Variants in NR2C2 observed in about 807,000 individuals in gnomAD.
NR2C2 encodes the protein nuclear receptor subfamily 2 group C member 2.
NR2C2 carries 6 observed loss-of-function variants against 62.9 expected under a neutral mutation model. That is an observed-to-expected ratio of 0.10 (90% CI 0.05 to 0.19). The LOEUF (loss-of-function observed/expected upper bound fraction) is 0.19. NR2C2 is among the 10% of genes least tolerant of loss of function. NR2C2 has a pLI of 1.00. For missense variants in NR2C2, 479 were observed against 762.7 expected (o/e 0.63, Z 4.38); for synonymous variants, 272 against 273.8 (o/e 0.99, Z 0.07).
intron 1 of NR2C2, among the ~76,000 whole-genome samples, chr3:14,991,749 C>CTT (rs869094168): frequency 1.5e-5 from 2 of 132,228 alleles, no homozygotes; most frequent in African/African-American, 5.6e-5. Flanking sequence ...TCCCTTTTTT[C>CTT]TTTTTTTTTT....
intron 7 of NR2C2, among the ~76,000 whole-genome samples, chr3:15,028,036 T>C (rs752853434): frequency 6.6e-6 from 1 of 152,158 alleles, no homozygotes; most frequent in Non-Finnish European, 1.5e-5. Context: ...TTTTTTGCAT[T>C]TTTAGTAGAG....
rs2042558982 is a variant in NR2C2 at position 15,049,132 on chromosome 3, T to G, written c.*6124T>G. 2 of 152,614 alleles carry G rather than the reference T, an allele frequency of 1.3e-5. No homozygotes were observed. Among genetic ancestry groups the G allele is most frequent in the South Asian group, 4.1e-4 (2 of 4,830 alleles). 9.5% of individuals were successfully genotyped at this position (152,614 alleles called of 1,614,324 possible). ...CAGTCTTGAAGAAGAATTTGCATTG[T>G]TGTGTTTGTATATAGAGTATTGCAG... On this transcript the variant is annotated 3_prime_UTR_variant, in exon 14 of 14. Transcript: ENST00000425241.
At chr3:15,007,666 T>G (rs1354226423) in intron 2 of NR2C2, among the ~76,000 whole-genome samples, 22 of 152,110 alleles carry the variant, frequency 1.4e-4, no homozygotes, top group Admixed American at 1.4e-3. Flanking sequence ...TAGGAATGAA[T>G]GAAAGAATGA....
chr3:15,016,264 TC>T lies in NR2C2; in HGVS notation c.376+12del, dbSNP rs1348723793. ...GGCGACAAAGCCTCCGGTATGTAGT[TC>T]CAGGTTATGCTGGCACTTATAATGG... is the stretch of plus-strand genomic sequence containing the variant. On this transcript the variant is annotated intron_variant, in intron 4 of 13. Coordinates refer to ENST00000425241, the MANE Select transcript of NR2C2 (RefSeq NM_001291694.2). 3 of 1,598,592 alleles carry T rather than the reference TC, an allele frequency of 1.9e-6. No homozygotes were observed. The highest frequency in any genetic ancestry group is 1.3e-5 in the African/African-American group (1 of 74,548).
intron 1 of NR2C2, among the ~76,000 whole-genome samples, chr3:14,984,658 C>T (rs1169029747): frequency 6.6e-6 from 1 of 152,082 alleles, no homozygotes; most frequent in African/African-American, 2.4e-5. Flanking sequence ...ACGTTGTATC[C>T]ATTGTATAGA....
At position 15,040,018 on chromosome 3, in the gene NR2C2, G is replaced by A. The variant is rs567056529; in HGVS notation, c.1616+791G>A. On this transcript the variant is annotated intron_variant, in intron 13 of 13. Transcript: ENST00000425241. ...ATTTAAAAAAAAATTAGCCAGGCAC[G>A]GTGGTAGGCGCCTGTAATCCCAGCT... Among the ~76,000 whole-genome samples, 335 of 152,134 alleles carry A rather than the reference G, an allele frequency of 2.2e-3. 1 individual carries two copies. The highest frequency in any genetic ancestry group is 7.5e-3 in the African/African-American group (310 of 41,506).
intron 1 of NR2C2, among the ~76,000 whole-genome samples, chr3:14,987,989 C>T (rs779081093): frequency 3.3e-5 from 5 of 152,164 alleles, no homozygotes; most frequent in Non-Finnish European, 7.4e-5. Context: ...TTTACTAACC[C>T]GTCTCCTAGT....
intron 4 of NR2C2, 43 bp downstream of exon 4, chr3:15,016,297 A>G (rs2125000095): frequency 7.2e-7 from 1 of 1,397,636 alleles, no homozygotes; most frequent in East Asian, 2.3e-5. Flanking sequence ...ATGGGCCAAC[A>G]GCATGAAGTA....
At chr3:14,987,183 A>G (rs923902919) in intron 1 of NR2C2, among the ~76,000 whole-genome samples, 5 of 152,190 alleles carry the variant, frequency 3.3e-5, no homozygotes, top group African/African-American at 1.2e-4. Context: ...CCTGGGCTCA[A>G]GCAATCCTCC....
At position 14,951,755 on chromosome 3, in the gene NR2C2, T is replaced by G. The variant is rs548249342; in HGVS notation, c.-40+3849T>G. Reference sequence around the variant, plus strand: ...GATGGCTGGAAGTTTTTTTTGTGTGTTTTTTTTTGTTTTTGGGAGTCTCGC... The same window carrying G: ...GATGGCTGGAAGTTTTTTTTGTGTGGTTTTTTTTGTTTTTGGGAGTCTCGC... On this transcript the variant is annotated intron_variant, in intron 1 of 13. Coordinates refer to ENST00000425241, the MANE Select transcript of NR2C2 (RefSeq NM_001291694.2). Among the ~76,000 whole-genome samples, 4 of 139,490 alleles carry G rather than the reference T, an allele frequency of 2.9e-5. No homozygotes were observed. The South Asian group carries it at 8.4e-4, about 29-fold the overall frequency. The allele number at this position is 139,490 out of a possible 152,430, so 91.5% of individuals were successfully genotyped here. A position where few individuals can be genotyped will look rare whatever the true frequency, so the allele number is the denominator to read the frequency against.
At chr3:14,999,827 C>T (rs1230362448) in intron 1 of NR2C2, among the ~76,000 whole-genome samples, 2 of 152,098 alleles carry the variant, frequency 1.3e-5, no homozygotes. Flanking sequence ...GGGTTTATTT[C>T]TGCATTCTCT....
At chr3:14,966,454 G>A (rs1277297723) in intron 1 of NR2C2, among the ~76,000 whole-genome samples, 1 of 152,196 alleles carries the variant, frequency 6.6e-6, no homozygotes, top group Non-Finnish European at 1.5e-5. Context: ...GGACGTGGTG[G>A]CGCCTTCCTG....
chr3:14,981,336 C>T (rs36118024), intron 1 of NR2C2, among the ~76,000 whole-genome samples: 2 of 151,728 alleles, frequency 1.3e-5, no homozygotes, highest in African/African-American at 2.4e-5. Flanking sequence ...GGGCGCGGTG[C>T]CTCACGCCTG....
chr3:14,960,952 T>C (rs1174005989), intron 1 of NR2C2, among the ~76,000 whole-genome samples: 1 of 152,184 alleles, frequency 6.6e-6, no homozygotes, highest in Non-Finnish European at 1.5e-5. Context: ...AAAGGTATCT[T>C]TGTGTTTTTT....
chr3:15,019,861 A>G (rs912193425), intron 4 of NR2C2, among the ~76,000 whole-genome samples: 2 of 152,232 alleles, frequency 1.3e-5, no homozygotes, highest in African/African-American at 2.4e-5. Context: ...GCCATAGCTA[A>G]CAATAAGGTA....
intron 10 of NR2C2, 85 bp from the exon 11 acceptor site, chr3:15,034,585 A>G: frequency 1.4e-6 from 2 of 1,422,582 alleles, no homozygotes; most frequent in Non-Finnish European, 1.9e-6. Context: ...TGTTTGGGAA[A>G]TGCTGGGACT....
intron 2 of NR2C2, among the ~76,000 whole-genome samples, chr3:15,012,965 C>CT (rs1166123126): frequency 6.6e-6 from 1 of 152,164 alleles, no homozygotes; most frequent in Non-Finnish European, 1.5e-5. Context: ...ATCCTAGGAT[C>CT]TTTTATTGTC....
intron 1 of NR2C2, among the ~76,000 whole-genome samples, chr3:14,960,810 A>G (rs1040569034): frequency 6.6e-6 from 1 of 152,208 alleles, no homozygotes; most frequent in Admixed American, 6.5e-5. Flanking sequence ...TTGAGGAAGA[A>G]TCAGACTCTA....
intron 13 of NR2C2, chr3:15,042,397 T>C (rs1488545680): frequency 6.5e-6 from 1 of 154,810 alleles, no homozygotes; most frequent in African/African-American, 2.4e-5. Context: ...TATACACATC[T>C]ATACTTGCTG....
Sources: gnomAD v4.1 joint callset for allele counts (sites outside exome capture counted in the v4.1 genomes callset) on GRCh38, gnomAD v4.1.1 for gene constraint, MANE v1.5 for transcripts, NCBI Gene and HGNC (gene_info 2026-07-23, HGNC 2026-07-21) for gene names.